Variants in THSD7B observed in about 807,000 individuals in gnomAD.
THSD7B encodes thrombospondin type 1 domain containing 7B, also known as thrombospondin type-1 domain-containing protein 7B.
THSD7B carries 138 observed loss-of-function variants against 213.6 expected under a neutral mutation model. The observed-to-expected ratio is 0.65, with a 90% CI of 0.56 to 0.74. The LOEUF (loss-of-function observed/expected upper bound fraction) is 0.74. THSD7B is among the 30% of genes least tolerant of loss of function. THSD7B has a pLI of 0.00. For synonymous variants in THSD7B, 742 were observed against 687.0 expected (o/e 1.08, Z -1.25); for missense variants, 1,931 against 1,991.5 (o/e 0.97, Z 0.58).
intron 2 of THSD7B, among the ~76,000 whole-genome samples, chr2:136,988,706 A>T (rs776953251): frequency 6.6e-6 from 1 of 152,226 alleles, no homozygotes; most frequent in African/African-American, 2.4e-5. Context: ...CCTGCCAATG[A>T]TACTTTATTT....
chr2:136,946,654 C>T (rs147442295), intron 2 of THSD7B, among the ~76,000 whole-genome samples: 2,910 of 152,258 alleles, frequency 0.019, 46 homozygotes, highest in Non-Finnish European at 0.029. Context: ...TCGAGCTTCC[C>T]GGCTGCTTTG....
intron 12 of THSD7B, among the ~76,000 whole-genome samples, chr2:137,383,535 T>G (rs1471197044): frequency 6.6e-6 from 1 of 152,222 alleles, no homozygotes; most frequent in Non-Finnish European, 1.5e-5. Context: ...GGCAGACATC[T>G]GGTCCAGTGT....
intron 1 of THSD7B, among the ~76,000 whole-genome samples, chr2:136,774,033 G>A (rs901534381): frequency 1.3e-5 from 2 of 151,872 alleles, no homozygotes; most frequent in East Asian, 1.9e-4. Flanking sequence ...TGGAAGAGGG[G>A]GCATGTCTGG....
At chr2:137,192,642 T>TA (rs1680679838) in intron 7 of THSD7B, among the ~76,000 whole-genome samples, 1 of 152,148 alleles carries the variant, frequency 6.6e-6, no homozygotes, top group Non-Finnish European at 1.5e-5. Context: ...AGGGCTTTTT[T>TA]AAAAAAATAA....
At position 137,094,817 on chromosome 2, in the gene THSD7B, T is replaced by C; in HGVS notation, c.951-56T>C. The stretch of plus-strand genomic sequence containing the variant: ...TTTTCTCATGGTAGGCACTTTATAA[T>C]GTTAGTTGCATCCATTAATATATGG... On this transcript the variant is annotated intron_variant, in intron 3 of 27. Coordinates refer to ENST00000409968, the MANE Select transcript of THSD7B (RefSeq NM_001316349.2). 2.6e-6 allele frequency: 4 copies of C among 1,565,634 alleles called. No homozygotes were observed. In the South Asian group the frequency reaches 4.8e-5, roughly 19 times the overall value.
At chr2:137,444,474 G>A (rs952437583) in intron 14 of THSD7B, among the ~76,000 whole-genome samples, 1 of 151,536 alleles carries the variant, frequency 6.6e-6, no homozygotes, top group African/African-American at 2.4e-5. Context: ...GAAGTCATTG[G>A]ATACTTTTTA....
chr2:137,390,943 G>A (rs541151823), intron 12 of THSD7B, among the ~76,000 whole-genome samples: 65 of 152,080 alleles, frequency 4.3e-4, no homozygotes, highest in Non-Finnish European at 8.7e-4. Context: ...TTTTGATGAG[G>A]ATTTTTGCAT....
At chr2:137,446,027 A>G (rs2105059841) in intron 14 of THSD7B, among the ~76,000 whole-genome samples, 1 of 152,016 alleles carries the variant, frequency 6.6e-6, no homozygotes, top group Middle Eastern at 3.4e-3. Context: ...GTATTGAAAA[A>G]AAAAAAATCT....
intron 1 of THSD7B, among the ~76,000 whole-genome samples, chr2:136,776,323 A>G (rs983687118): frequency 1.3e-5 from 2 of 152,254 alleles, no homozygotes; most frequent in South Asian, 2.1e-4. Context: ...ATCTTATTTC[A>G]TGGTGTTTTG....
At chr2:137,471,186 G>T (rs2105092685) in intron 15 of THSD7B, among the ~76,000 whole-genome samples, 1 of 152,054 alleles carries the variant, frequency 6.6e-6, no homozygotes, top group East Asian at 2.0e-4. Flanking sequence ...CCCCCAAAGT[G>T]CTGCAATTAT....
chr2:136,984,561 G>A (rs1685638814), intron 2 of THSD7B, among the ~76,000 whole-genome samples: 1 of 152,268 alleles, frequency 6.6e-6, no homozygotes, highest in African/African-American at 2.4e-5. Context: ...TGCCATGCAT[G>A]TATAGCCTGT....
chr2:137,242,430 A>G, intron 9 of THSD7B, 27 bp from the exon 10 acceptor site: 1 of 1,574,800 alleles, frequency 6.4e-7, no homozygotes, highest in Non-Finnish European at 8.7e-7. Context: ...TCAAAAAGGC[A>G]TTGACATGGT....
At chr2:137,168,028 G>C (rs1680171143) in intron 6 of THSD7B, among the ~76,000 whole-genome samples, 1 of 152,172 alleles carries the variant, frequency 6.6e-6, no homozygotes, top group Non-Finnish European at 1.5e-5. Flanking sequence ...TAATAAAGTG[G>C]CATCTTAGTT....
intron 7 of THSD7B, among the ~76,000 whole-genome samples, chr2:137,212,264 C>T (rs1414768030): frequency 6.6e-6 from 1 of 151,902 alleles, no homozygotes; most frequent in Non-Finnish European, 1.5e-5. Flanking sequence ...GGTGGTTTCT[C>T]CTAAATTCAT....
intron 12 of THSD7B, among the ~76,000 whole-genome samples, chr2:137,281,350 G>C (rs1683005890): frequency 6.6e-6 from 1 of 151,568 alleles, no homozygotes; most frequent in African/African-American, 2.4e-5. Flanking sequence ...ATTACCTTTA[G>C]TTTTATTTAT....
intron 3 of THSD7B, among the ~76,000 whole-genome samples, chr2:137,092,678 A>G (rs1687972198): frequency 6.6e-6 from 1 of 152,190 alleles, no homozygotes; most frequent in African/African-American, 2.4e-5. Flanking sequence ...CCCGTCACCC[A>G]GGCTGGAGTG....
chr2:136,955,740 A>G (rs1004391459), intron 2 of THSD7B, among the ~76,000 whole-genome samples: 2 of 152,174 alleles, frequency 1.3e-5, no homozygotes, highest in African/African-American at 4.8e-5. Context: ...GAAGACAGAA[A>G]TATAGAAACT....
chr2:136,929,088 A>G (rs1319964071), intron 2 of THSD7B, among the ~76,000 whole-genome samples: 2 of 152,204 alleles, frequency 1.3e-5, no homozygotes, highest in Non-Finnish European at 2.9e-5. Context: ...TGATAATACC[A>G]TTGAGTTTTA....
At chr2:137,508,705 G>T (rs1033002690) in intron 15 of THSD7B, among the ~76,000 whole-genome samples, 3 of 151,960 alleles carry the variant, frequency 2.0e-5, no homozygotes, top group East Asian at 1.9e-4. Context: ...AGTTAAGCTG[G>T]AGCTCATGTG....
Sources: allele counts gnomAD v4.1 joint callset (sites outside exome capture counted in the v4.1 genomes callset), GRCh38; gene constraint gnomAD v4.1.1; transcripts MANE v1.5; gene names NCBI Gene and HGNC (gene_info 2026-07-23, HGNC 2026-07-21).